The following ADAM12 variants were observed in gnomAD, a reference collection of about 807,000 sequenced individuals.
The protein encoded by ADAM12 is ADAM metallopeptidase domain 12, also known as disintegrin and metalloproteinase domain-containing protein 12.
A neutral mutation model predicts 106.4 loss-of-function variants in ADAM12; 70 were observed. That is an observed-to-expected ratio of 0.66 (90% CI 0.54 to 0.80). The LOEUF (loss-of-function observed/expected upper bound fraction) is 0.80, where lower values mean the gene tolerates loss of function less well. Ranked by LOEUF, ADAM12 falls within the 30% of genes least tolerant of loss-of-function variation. The pLI is 0.00. For synonymous variants in ADAM12, 420 were observed against 433.5 expected, an observed-to-expected ratio of 0.97 and a Z score of 0.39; for missense variants, 1,010 against 1,171.9, an observed-to-expected ratio of 0.86 and a Z score of 2.02.
At chr10:126,051,580 T>TCCAGCCAGCCAG (rs1303239755) in intron 14 of ADAM12, among the ~76,000 whole-genome samples, 4,293 of 100,360 alleles carry the variant, frequency 0.043, 114 homozygotes, top group Non-Finnish European at 0.054. Flanking sequence ...CATCCATCCA[T>TCCAGCCAGCCAG]CCATCCATCC....
intron 3 of ADAM12, among the ~76,000 whole-genome samples, chr10:126,212,458 C>T (rs969527494): frequency 1.1e-4 from 17 of 152,140 alleles, no homozygotes; most frequent in Admixed American, 1.0e-3. Context: ...ATGTACTTAT[C>T]TTGATTAAAC....
rs1265713778 is a variant in ADAM12, at chr10:126,059,055, A to G, written c.1609+5751T>C. 2.0e-5 allele frequency among the ~76,000 whole-genome samples: 3 copies of G among 152,212 alleles called. No individual in the cohort carries two copies. The East Asian group carries it at 5.8e-4, about 29-fold the overall frequency. ...TTAGCCTTTCAGAGGGAATTTTGAT[A>G]CCATACTATATTTTATAATGATGTA... On this transcript the variant is annotated intron_variant, in intron 14 of 22. Coordinates refer to ENST00000448723, the MANE Select transcript of ADAM12 (RefSeq NM_001288973.2).
intron 11 of ADAM12, among the ~76,000 whole-genome samples, chr10:126,080,226 C>T (rs1288322980): frequency 6.6e-6 from 1 of 152,162 alleles, no homozygotes; most frequent in African/African-American, 2.4e-5. Context: ...ATGAAAAGAA[C>T]ATTGACTTGG....
chr10:126,311,094 TACACACAC>T (rs67514376), intron 2 of ADAM12, among the ~76,000 whole-genome samples: 9,356 of 138,512 alleles, frequency 0.068, 419 homozygotes, highest in East Asian at 0.12. Context: ...TACACACAAA[TACACACAC>T]ACACACACAC....
chr10:126,230,402 C>A (rs1425308703), intron 3 of ADAM12, among the ~76,000 whole-genome samples: 1 of 152,182 alleles, frequency 6.6e-6, no homozygotes, highest in Non-Finnish European at 1.5e-5. Context: ...ACTATACTTT[C>A]CTGAGGATAA....
At chr10:126,381,500 A>T (rs560041123) in intron 1 of ADAM12, among the ~76,000 whole-genome samples, 177 of 151,544 alleles carry the variant, frequency 1.2e-3, no homozygotes, top group Middle Eastern at 3.4e-3. Flanking sequence ...TATATTTTTT[A>T]AAAAAAAACT....
chr10:126,280,886 T>C (rs1009765877), intron 2 of ADAM12, among the ~76,000 whole-genome samples: 12 of 152,168 alleles, frequency 7.9e-5, no homozygotes, highest in Non-Finnish European at 1.8e-4. Flanking sequence ...CTGTCTGGTG[T>C]TTATAAGAAC....
chr10:126,044,690 A>C (rs1954268894), intron 17 of ADAM12, among the ~76,000 whole-genome samples: 2 of 152,244 alleles, frequency 1.3e-5, no homozygotes, highest in Non-Finnish European at 2.9e-5. Flanking sequence ...TGTTTTGATG[A>C]ATCAACCACC....
chr10:126,044,098 G>A (rs540031140), intron 17 of ADAM12, among the ~76,000 whole-genome samples: 114 of 152,264 alleles, frequency 7.5e-4, no homozygotes, highest in African/African-American at 2.6e-3. Flanking sequence ...AATGGAAGAT[G>A]ACCATGAAGA....
intron 3 of ADAM12, among the ~76,000 whole-genome samples, chr10:126,193,814 T>C (rs1295159805): frequency 6.6e-6 from 1 of 152,078 alleles, no homozygotes; most frequent in Non-Finnish European, 1.5e-5. Context: ...GGAGAATCTC[T>C]TGAATTCGGG....
At chr10:126,069,279 AGC>A (rs1954935611) in intron 12 of ADAM12, among the ~76,000 whole-genome samples, 2 of 152,192 alleles carry the variant, frequency 1.3e-5, no homozygotes, top group Non-Finnish European at 2.9e-5. Context: ...TTTTTTGAAA[AGC>A]AAAAAATAAA....
At chr10:126,103,479 C>T (rs1955706026) in intron 8 of ADAM12, among the ~76,000 whole-genome samples, 1 of 152,204 alleles carries the variant, frequency 6.6e-6, no homozygotes, top group African/African-American at 2.4e-5. Flanking sequence ...AAAACAACTC[C>T]ATGTGTTAAG....
chr10:126,017,917 G>T (rs1202818286), intron 22 of ADAM12, among the ~76,000 whole-genome samples: 1 of 152,070 alleles, frequency 6.6e-6, no homozygotes, highest in Non-Finnish European at 1.5e-5. Flanking sequence ...TAAGAAAAAG[G>T]GCTTCCCCTC....
chr10:126,224,586 C>A (rs576617364), intron 3 of ADAM12, among the ~76,000 whole-genome samples: 1 of 152,284 alleles, frequency 6.6e-6, no homozygotes, highest in Non-Finnish European at 1.5e-5. Flanking sequence ...CGTTGCACGG[C>A]CCTTGTCACG....
rs780909978 is a variant in ADAM12, at chr10:126,049,408, G to A, written c.1762C>T (p.Arg588Trp). The A allele has an allele frequency of 2.5e-6, 4 of 1,614,122 alleles. No individual in the cohort carries two copies. Among genetic ancestry groups the A allele is most frequent in the East Asian group, 4.5e-5 (2 of 44,868 alleles). Residue 588 changes from arginine (R) to tryptophan (W), a missense_variant, in exon 16 of 23, where the codon CGG (arginine) becomes TGG (tryptophan). Around this residue, in one of 3 missense-constraint regions of ADAM12, gnomAD observed 615 missense variants for 708.5 expected, o/e 0.87. Transcript: ENST00000448723. The surrounding 1 kb of genome is among the most constrained non-coding windows in gnomAD (Gnocchi z 4.4). The stretch of plus-strand genomic sequence containing the variant: ...ACGGCATTGGTACCAATGACTGGCC[G>A]GCTGGCACCTCCTTGACACTGGATT... Reference protein sequence around the residue: ...GKIQCQGGASRPVIGTNAVSI... With the variant: ...GKIQCQGGASWPVIGTNAVSI...
intron 8 of ADAM12, among the ~76,000 whole-genome samples, chr10:126,104,981 C>A (rs1490629124): frequency 1.3e-5 from 2 of 152,134 alleles, no homozygotes; most frequent in Admixed American, 1.3e-4. Context: ...GTCATCTGTT[C>A]ATAGACTTGG....
At chr10:126,314,658 C>T (rs1458556519) in intron 2 of ADAM12, among the ~76,000 whole-genome samples, 7 of 152,194 alleles carry the variant, frequency 4.6e-5, no homozygotes, top group Non-Finnish European at 8.8e-5. Flanking sequence ...ATTACACCCC[C>T]AAAATGTCAC....
intron 3 of ADAM12, among the ~76,000 whole-genome samples, chr10:126,255,652 C>T (rs771334521): frequency 2.0e-5 from 3 of 152,228 alleles, no homozygotes; most frequent in Non-Finnish European, 2.9e-5. Context: ...CTCCTGCCCA[C>T]GGAGGGTCCC....
chr10:126,271,832 G>A (rs1959178463), intron 3 of ADAM12, among the ~76,000 whole-genome samples: 1 of 152,188 alleles, frequency 6.6e-6, no homozygotes, highest in Non-Finnish European at 1.5e-5. Flanking sequence ...TCTATGGCAT[G>A]CCACTGTATT....
Sources: gnomAD v4.1 joint callset for allele counts (sites outside exome capture counted in the v4.1 genomes callset) on GRCh38, gnomAD v4.1.1 for gene constraint, gnomAD v4.1.1 regional missense constraint, Gnocchi (gnomAD v3.1) non-coding constraint, MANE v1.5 for transcripts, NCBI Gene and HGNC (gene_info 2026-07-23, HGNC 2026-07-21) for gene names.